SLC44A5: variants seen among roughly 807,000 people sequenced by gnomAD.
SLC44A5 encodes the protein solute carrier family 44 member 5.
In SLC44A5, 57 loss-of-function variants were observed where a neutral mutation model predicts 101.8. The observed-to-expected ratio is 0.56, with a 90% CI of 0.45 to 0.70. SLC44A5 has a LOEUF of 0.70. Among genes scored for constraint, SLC44A5 ranks in the 30% least tolerant of loss-of-function variants. The pLI is 0.00. For synonymous variants in SLC44A5, 281 were observed against 290.9 expected (o/e 0.97, Z 0.35); for missense variants, 737 against 853.1 (o/e 0.86, Z 1.70).
At chr1:75,300,362 A>G (rs1654354269) in intron 5 of SLC44A5, among the ~76,000 whole-genome samples, 1 of 152,006 alleles carries the variant, frequency 6.6e-6, no homozygotes, top group South Asian at 2.1e-4. Context: ...GAAACCACAA[A>G]CTTTTCTCTT....
chr1:75,451,368 T>C (rs1665899352), intron 2 of SLC44A5, among the ~76,000 whole-genome samples: 1 of 152,112 alleles, frequency 6.6e-6, no homozygotes, highest in African/African-American at 2.4e-5. Context: ...TAGGTTGAAC[T>C]GCACAGCCCA....
chr1:75,633,467 A>G, the SLC44A5 span, among the ~76,000 whole-genome samples: 1 of 152,120 alleles, frequency 6.6e-6, no homozygotes, highest in African/African-American at 2.4e-5. Flanking sequence ...TAGGTATTTT[A>G]TTCTCTTTGA....
At chr1:75,717,342 A>G in the SLC44A5 span, among the ~76,000 whole-genome samples, 1 of 141,876 alleles carries the variant, frequency 7.0e-6, no homozygotes, top group African/African-American at 2.8e-5. Flanking sequence ...CCCTGTCTCA[A>G]AAAAAAAAAA....
intron 2 of SLC44A5, among the ~76,000 whole-genome samples, chr1:75,423,812 G>C (rs1014224259): frequency 6.6e-6 from 1 of 152,230 alleles, no homozygotes; most frequent in African/African-American, 2.4e-5. Context: ...TACCCATTAA[G>C]TTGAAATTTT....
At chr1:75,245,233 C>G (rs764594410) in intron 7 of SLC44A5, among the ~76,000 whole-genome samples, 1 of 152,140 alleles carries the variant, frequency 6.6e-6, no homozygotes, top group Non-Finnish European at 1.5e-5. Context: ...CTCATCCACA[C>G]GTGTGCATGC....
intron 3 of SLC44A5, among the ~76,000 whole-genome samples, chr1:75,392,371 T>C (rs748596631): frequency 6.6e-6 from 1 of 152,052 alleles, no homozygotes; most frequent in Non-Finnish European, 1.5e-5. Context: ...AAAAAGAAGA[T>C]ATACAAGTGG....
At chr1:75,269,593 C>A (rs1340311702) in intron 6 of SLC44A5, among the ~76,000 whole-genome samples, 2 of 151,964 alleles carry the variant, frequency 1.3e-5, no homozygotes, top group Non-Finnish European at 1.5e-5. Flanking sequence ...ATGAGATAAA[C>A]ATCCAATTTT....
rs374038572 is a variant in SLC44A5 at position 75,478,733 on chromosome 1, A to G, written c.13+62702T>C. Among the ~76,000 whole-genome samples, 18 of 152,328 alleles carry G rather than the reference A, an allele frequency of 1.2e-4. No homozygotes were observed. In the East Asian group the frequency reaches 3.3e-3, roughly 28 times the overall value. On this transcript the variant is annotated intron_variant, in intron 2 of 23. Transcript: ENST00000370859. The stretch of plus-strand genomic sequence containing the variant: ...TAAATATATATGCACCCAATACAGG[A>G]GCCCCCAGATTCATAAAGCAAGTCC...
chr1:75,619,082 G>C, the SLC44A5 span, among the ~76,000 whole-genome samples: 9 of 74,936 alleles, frequency 1.2e-4, no homozygotes, highest in South Asian at 6.2e-4. Context: ...AAAAAAAAGG[G>C]GGGGGGGAAG....
At chr1:75,690,333 A>G in the SLC44A5 span, among the ~76,000 whole-genome samples, 6,714 of 152,138 alleles carry the variant, frequency 0.044, 205 homozygotes, top group African/African-American at 0.092. Flanking sequence ...ACTCCCCCCA[A>G]TATCACAAGA....
intron 2 of SLC44A5, among the ~76,000 whole-genome samples, chr1:75,512,125 C>T (rs188969839): frequency 3.3e-5 from 5 of 152,156 alleles, no homozygotes; most frequent in East Asian, 1.9e-4. Flanking sequence ...AAAATAAAAG[C>T]GTTGAGATAC....
chr1:75,288,119 A>G (rs1338882699), intron 5 of SLC44A5, among the ~76,000 whole-genome samples: 35 of 152,146 alleles, frequency 2.3e-4, no homozygotes, highest in Admixed American at 2.3e-3. Flanking sequence ...AAAAACTTTT[A>G]TATTTGAAGG....
chr1:75,642,699 T>TGAG, the SLC44A5 span, among the ~76,000 whole-genome samples: 4 of 151,608 alleles, frequency 2.6e-5, no homozygotes, highest in African/African-American at 9.7e-5. Flanking sequence ...AGGAGAAGTA[T>TGAG]GAGGAGGAGG....
At chr1:75,689,372 T>C in the SLC44A5 span, among the ~76,000 whole-genome samples, 4 of 152,092 alleles carry the variant, frequency 2.6e-5, no homozygotes, top group Non-Finnish European at 5.9e-5. Context: ...ATCCCAAGCC[T>C]AGGAAACCAG....
chr1:75,227,521 A>C (rs970039989), intron 13 of SLC44A5, among the ~76,000 whole-genome samples: 5 of 152,186 alleles, frequency 3.3e-5, no homozygotes, highest in African/African-American at 9.7e-5. Context: ...AGGTCCTTGT[A>C]AGGTAGCATT....
chr1:75,330,126 CA>C (rs1656913798), intron 4 of SLC44A5, among the ~76,000 whole-genome samples: 1 of 118,048 alleles, frequency 8.5e-6, no homozygotes, highest in African/African-American at 2.9e-5. Context: ...CACACACACA[CA>C]CACACACACA....
intron 2 of SLC44A5, among the ~76,000 whole-genome samples, chr1:75,479,479 A>T (rs1429586206): frequency 2.0e-5 from 3 of 152,310 alleles, no homozygotes; most frequent in African/African-American, 7.2e-5. Flanking sequence ...TTTTGAAAGG[A>T]TCAACAAAAT....
the SLC44A5 span, among the ~76,000 whole-genome samples, chr1:75,690,762 G>A: frequency 6.6e-6 from 1 of 152,136 alleles, no homozygotes; most frequent in Admixed American, 6.5e-5. Flanking sequence ...GTGTAAAAAT[G>A]TGTGGGACCA....
At chr1:75,422,883 G>T (rs1250083595) in intron 2 of SLC44A5, among the ~76,000 whole-genome samples, 1 of 152,140 alleles carries the variant, frequency 6.6e-6, no homozygotes, top group East Asian at 1.9e-4. Flanking sequence ...CTTTCTATTA[G>T]GTTGGTGCTA....
Sources: gnomAD v4.1 joint callset for allele counts (sites outside exome capture counted in the v4.1 genomes callset) on GRCh38, gnomAD v4.1.1 for gene constraint, MANE v1.5 for transcripts, NCBI Gene and HGNC (gene_info 2026-07-23, HGNC 2026-07-21) for gene names.